Variants in F2 observed in about 807,000 individuals in gnomAD.
F2 encodes the protein prothrombin.
F2 carries 34 observed loss-of-function variants against 81.9 expected under a neutral mutation model. The ratio of observed to expected loss-of-function variants is 0.42; its 90% confidence interval spans 0.32 to 0.55. F2 has a LOEUF of 0.55. Among genes scored for constraint, F2 ranks in the 20% least tolerant of loss-of-function variants. F2 has a pLI of 0.18. For synonymous variants in F2, 296 were observed against 326.4 expected, an observed-to-expected ratio of 0.91 and a Z score of 1.01; for missense variants, 630 against 833.4, an observed-to-expected ratio of 0.76 and a Z score of 3.00.
At chr11:46,729,302 G>C in intron 11 of F2, 78 bp from the exon 12 acceptor site, 4 of 1,500,794 alleles carry the variant, frequency 2.7e-6, no homozygotes, top group Non-Finnish European at 3.7e-6. Context: ...TTAGATTCTG[G>C]TCTCTAAGAA....
intron 12 of F2, among the ~76,000 whole-genome samples, chr11:46,738,727 C>T (rs2064959427): frequency 6.6e-6 from 1 of 152,172 alleles, no homozygotes; most frequent in South Asian, 2.1e-4. Context: ...TGGGCATGAG[C>T]CACCTCCCCT....
intron 12 of F2, among the ~76,000 whole-genome samples, chr11:46,737,181 G>T (rs3136502): frequency 4.0e-4 from 61 of 151,228 alleles, no homozygotes; most frequent in African/African-American, 1.4e-3. Flanking sequence ...TCACTCTGTC[G>T]CCCAGGCTGG....
chr11:46,739,023 G>A, intron 12 of F2, 25 bp from the exon 13 acceptor site: 1 of 1,613,520 alleles, frequency 6.2e-7, no homozygotes, highest in Non-Finnish European at 8.5e-7. Context: ...ATGCTCCTGA[G>A]CACAGACGGC....
rs2064892744 is a variant in F2, at chr11:46,728,830, G to A, written c.1465G>A (p.Ala489Thr). Residue 489 changes from alanine (A) to threonine (T), a missense_variant, in exon 11 of 14, where the codon GCA becomes ACA. Physicochemically the swap from Ala to Thr is moderately conservative, Grantham distance 58 (BLOSUM62 0). Transcript: ENST00000311907. This position sits in a 1 kb window ranked among gnomAD's most constrained non-coding sequence, Gnocchi z 5.1. ...TGTGTGTCTGCCCGACAGGGAGACG[G>A]CAGCCAGGTGGGCCACCAGATGCTT... ...HPVCLPDRET[A>T]ASLLQAGYKG... 6.2e-7 allele frequency: 1 copy of A among 1,613,636 alleles called. No homozygotes were observed. Among genetic ancestry groups the A allele is most frequent in the African/African-American group, 1.3e-5 (1 of 74,930 alleles).
rs2064885694 is a variant in F2, at chr11:46,727,934, G to T, written c.1131-62G>T. 18 of 1,537,290 alleles carry T rather than the reference G, an allele frequency of 1.2e-5. No homozygotes were observed. The South Asian group carries it at 2.1e-4, about 18-fold the overall frequency. ...CTTAGACCTGGGATTGTTACTTCTA[G>T]GGCTGGTGTAGAGGCAGCCCCCTCA... On this transcript the variant is annotated intron_variant, in intron 9 of 13. Transcript: ENST00000311907.
In F2 at chr11:46,721,834, T is replaced by C. The variant is rs893746998; in HGVS notation, c.316+994T>C. 6.2e-4 allele frequency among the ~76,000 whole-genome samples: 94 copies of C among 151,216 alleles called. No homozygotes were observed. In the East Asian group the frequency reaches 0.018, roughly 29 times the overall value. ...TGTGAGCCACCATGCCTGGCTGCCA[T>C]ACTTTCATTTTTTTTTTTTTTTTTT... On this transcript the variant is annotated intron_variant, in intron 4 of 13. Transcript: ENST00000311907.
At chr11:46,729,607 G>A (rs1241382332) in intron 12 of F2, 46 bp downstream of exon 12, 1 of 1,594,358 alleles carries the variant, frequency 6.3e-7, no homozygotes, top group Non-Finnish European at 8.6e-7. Flanking sequence ...GGCCCAAGCT[G>A]GGAGAACTGA....
intron 12 of F2, among the ~76,000 whole-genome samples, chr11:46,735,169 T>C (rs962298942): frequency 5.9e-5 from 9 of 152,046 alleles, no homozygotes; most frequent in South Asian, 2.1e-4. Context: ...TGGTCAGGTG[T>C]GGTGGCTCAC....
chr11:46,729,234 C>T (rs909011147), intron 11 of F2, 146 bp from the exon 12 acceptor site: 39 of 858,038 alleles, frequency 4.5e-5, no homozygotes, highest in Non-Finnish European at 5.5e-5. Flanking sequence ...CCCGCCTCGG[C>T]CTCCCAAAGT....
At chr11:46,720,220 A>G (rs1266254730) in intron 2 of F2, 4 of 552,414 alleles carry the variant, frequency 7.2e-6, no homozygotes, top group Non-Finnish European at 1.3e-5. Context: ...CTCAAGACTC[A>G]GTGTTCCTGG....
chr11:46,732,649 T>A (rs1329921662), intron 12 of F2, among the ~76,000 whole-genome samples: 1 of 152,196 alleles, frequency 6.6e-6, no homozygotes. Context: ...TCCGCCCGCC[T>A]CAGCCTTCCA....
At position 46,727,991 on chromosome 11, in the gene F2, C is replaced by T. The variant is rs1255363601; in HGVS notation, c.1131-5C>T. On this transcript the variant is annotated splice_polypyrimidine_tract_variant and splice_region_variant and intron_variant, in intron 9 of 13. Coordinates refer to ENST00000311907, the MANE Select transcript of F2 (RefSeq NM_000506.5). ...GCTCCTAATGCTTCCTGCTGCCCCTCCCAGGCAGGTGATGCTTTTCCGGAA... is the reference window on the plus strand; with the variant it reads ...GCTCCTAATGCTTCCTGCTGCCCCTTCCAGGCAGGTGATGCTTTTCCGGAA... The T allele has an allele frequency of 1.9e-6, 3 of 1,607,166 alleles. No individual in the cohort carries two copies. Among genetic ancestry groups the T allele is most frequent in the Admixed American group, 1.7e-5 (1 of 59,450 alleles).
intron 4 of F2, 28 bp downstream of exon 4, chr11:46,720,868 C>T: frequency 6.2e-7 from 1 of 1,613,046 alleles, no homozygotes; most frequent in Non-Finnish European, 8.5e-7. Flanking sequence ...GTTTGGGGAG[C>T]AGGACATGGA....
intron 4 of F2, among the ~76,000 whole-genome samples, chr11:46,721,278 G>A (rs921856176): frequency 1.4e-4 from 22 of 152,008 alleles, no homozygotes; most frequent in African/African-American, 5.1e-4. Flanking sequence ...TCCTGACCTC[G>A]TGATCCACCC....
Position 46,739,420 on chromosome 11 carries a change from T to A in F2, c.*12T>A. 6.2e-7 allele frequency: 1 copy of A among 1,614,014 alleles called. No individual in the cohort carries two copies. Among genetic ancestry groups the A allele is most frequent in the Non-Finnish European group, 8.5e-7 (1 of 1,180,002 alleles). ...AGTTTGGAGAGTAGGGGGCCACTCA[T>A]ATTCTGGGCTCCTGGAACCAATCCC... is the stretch of plus-strand genomic sequence containing the variant. On this transcript the variant is annotated 3_prime_UTR_variant, in exon 14 of 14. Coordinates refer to ENST00000311907, the MANE Select transcript of F2 (RefSeq NM_000506.5).
Position 46,726,029 on chromosome 11 carries a change from G to T in F2, c.730G>T (p.Ala244Ser), listed in dbSNP as rs886048334. The part of the protein sequence containing the change: ...CLAWASAQAK[A>S]LSKHQDFNSA... Reference sequence around the variant, plus strand: ...GGCCTGGGCCAGCGCACAGGCCAAGGCCCTGAGCAAGCACCAGGACTTCAA... The same window carrying T: ...GGCCTGGGCCAGCGCACAGGCCAAGTCCCTGAGCAAGCACCAGGACTTCAA... The change falls in exon 7 of 14, where the codon GCC becomes TCC. Residue 244 changes from alanine (A) to serine (S), a missense_variant. Physicochemically the swap from Ala to Ser is moderately conservative, Grantham distance 99. Coordinates refer to ENST00000311907, the MANE Select transcript of F2 (RefSeq NM_000506.5). This position sits in a 1 kb window ranked among gnomAD's most constrained non-coding sequence, Gnocchi z 5.9. 1.9e-6 allele frequency: 3 copies of T among 1,614,142 alleles called. No homozygotes were observed.
rs766356065 is a variant in F2, at chr11:46,726,190, G to A, written c.874+17G>A. ...ACTATTGTGGTGAGCTGCCTGGGTA[G>A]GGGGCCTGAGTTGCAGGGACAAATC... On this transcript the variant is annotated intron_variant, in intron 7 of 13. Transcript: ENST00000311907. This position sits in a 1 kb window ranked among gnomAD's most constrained non-coding sequence, Gnocchi z 5.9. 2 of 1,612,288 alleles carry A rather than the reference G, an allele frequency of 1.2e-6. No individual in the cohort carries two copies. The highest frequency in any genetic ancestry group is 2.2e-5 in the East Asian group (1 of 44,878).
At chr11:46,721,741 G>C (rs2064837670) in intron 4 of F2, among the ~76,000 whole-genome samples, 1 of 151,940 alleles carries the variant, frequency 6.6e-6, no homozygotes. Flanking sequence ...TTTTGCCCAG[G>C]CTGATCTTGA....
intron 4 of F2, among the ~76,000 whole-genome samples, chr11:46,722,543 A>G (rs1443914088): frequency 1.3e-5 from 2 of 152,228 alleles, no homozygotes; most frequent in South Asian, 2.1e-4. Context: ...AGCTGAGATC[A>G]TGCCACTGCA....
Sources: allele counts gnomAD v4.1 joint callset (sites outside exome capture counted in the v4.1 genomes callset), GRCh38; gene constraint gnomAD v4.1.1; non-coding constraint Gnocchi (gnomAD v3.1); transcripts MANE v1.5; gene names NCBI Gene and HGNC (gene_info 2026-07-23, HGNC 2026-07-21).